The following KLF7 variants were observed in gnomAD, a reference collection of about 807,000 sequenced individuals.
KLF7 encodes the protein KLF transcription factor 7, also known as Krueppel-like factor 7.
In KLF7, 2 loss-of-function variants were observed where a neutral mutation model predicts 27.3. The ratio of observed to expected loss-of-function variants is 0.07; its 90% CI spans 0.03 to 0.23. KLF7 has a LOEUF of 0.23. Among genes scored for constraint, KLF7 ranks in the 10% least tolerant of loss-of-function variants. The probability of loss-of-function intolerance (pLI) is 1.00; values close to 1 mark genes in which losing one functional copy is unlikely to be tolerated. For missense variants in KLF7, 221 were observed against 394.1 expected, an observed-to-expected ratio of 0.56 and a Z score of 3.72; for synonymous variants, 165 against 162.4, an observed-to-expected ratio of 1.02 and a Z score of -0.12.
At chr2:207,146,314 T>A (rs556282665) in intron 1 of KLF7, among the ~76,000 whole-genome samples, 5 of 152,292 alleles carry the variant, frequency 3.3e-5, no homozygotes, top group African/African-American at 1.2e-4. Context: ...CAAGACACAC[T>A]AGAATTAAGC....
chr2:207,111,448 G>T (rs2105938884), intron 2 of KLF7, among the ~76,000 whole-genome samples: 1 of 152,302 alleles, frequency 6.6e-6, no homozygotes, highest in Admixed American at 6.5e-5. Context: ...CCACGCAAAG[G>T]GTACTTTTTC....
intron 1 of KLF7, among the ~76,000 whole-genome samples, chr2:207,151,411 C>T (rs1013133120): frequency 6.6e-6 from 1 of 151,872 alleles, no homozygotes; most frequent in African/African-American, 2.4e-5. Flanking sequence ...GGGGAGGGAT[C>T]GGAAAGAGAT....
chr2:207,130,190 G>A lies in KLF7; in HGVS notation c.103-5786C>T, dbSNP rs1039831548. Reference sequence around the variant, plus strand: ...CTTACTTTCCCATGCCCATATGCTCGAAACAATCTTCCTTTCGCCTTCCCT... The same window carrying A: ...CTTACTTTCCCATGCCCATATGCTCAAAACAATCTTCCTTTCGCCTTCCCT... On this transcript the variant is annotated intron_variant, in intron 1 of 3. Transcript: ENST00000309446. 3.3e-5 allele frequency among the ~76,000 whole-genome samples: 5 copies of A among 152,190 alleles called. 1 individual carries two copies. The highest frequency in any genetic ancestry group is 7.2e-5 in the African/African-American group (3 of 41,522).
At chr2:207,148,886 T>TG in intron 1 of KLF7, 1 of 422,652 alleles carries the variant, frequency 2.4e-6, no homozygotes, top group African/African-American at 2.2e-5. Context: ...ACATCTGCTT[T>TG]GGGGGCAGGG....
At chr2:207,091,480 C>A (rs140595932) in intron 2 of KLF7, among the ~76,000 whole-genome samples, 3 of 152,214 alleles carry the variant, frequency 2.0e-5, no homozygotes, top group Non-Finnish European at 4.4e-5. Context: ...CCTTTGTGCC[C>A]TGATATTTTA....
chr2:207,110,955 T>A (rs2077020373), intron 2 of KLF7, among the ~76,000 whole-genome samples: 1 of 152,192 alleles, frequency 6.6e-6, no homozygotes, highest in Non-Finnish European at 1.5e-5. Context: ...TGGGCCCACA[T>A]GATCCTTTGC....
intron 2 of KLF7, among the ~76,000 whole-genome samples, chr2:207,103,159 C>T (rs558025981): frequency 3.0e-4 from 46 of 152,294 alleles, no homozygotes; most frequent in African/African-American, 1.1e-3. Context: ...AACTCCTGAC[C>T]TCAGGTGATC....
At position 207,165,756 on chromosome 2, in the gene KLF7, G is replaced by A; in HGVS notation, c.-188C>T. On this transcript the variant is annotated 5_prime_UTR_variant, in exon 1 of 4. Coordinates refer to ENST00000309446, the MANE Select transcript of KLF7 (RefSeq NM_003709.4). The stretch of plus-strand genomic sequence containing the variant: ...TGCAGGAGAGGGAGAGAGGAGGTGA[G>A]AGAGGAGCGAGTGAGTGGGGTGGAT... 6.9e-7 allele frequency: 1 copy of A among 1,440,392 alleles called. No individual in the cohort carries two copies. Among genetic ancestry groups the A allele is most frequent in the Non-Finnish European group, 9.1e-7 (1 of 1,103,424 alleles). The allele number at this position is 1,440,392 out of a possible 1,614,324, so 89.2% of individuals were successfully genotyped here.
At chr2:207,138,562 G>A (rs2077851644) in intron 1 of KLF7, among the ~76,000 whole-genome samples, 1 of 152,144 alleles carries the variant, frequency 6.6e-6, no homozygotes, top group South Asian at 2.1e-4. Flanking sequence ...TTAGTCTAAG[G>A]CAGTATCCAC....
chr2:207,127,124 C>T (rs13406243), intron 1 of KLF7, among the ~76,000 whole-genome samples: 4,488 of 151,602 alleles, frequency 0.03, 76 homozygotes, highest in South Asian at 0.061. Flanking sequence ...ACTGCAGGAG[C>T]ACATGAGTCA....
At chr2:207,095,281 C>T (rs1365917604) in intron 2 of KLF7, among the ~76,000 whole-genome samples, 1 of 151,966 alleles carries the variant, frequency 6.6e-6, no homozygotes, top group African/African-American at 2.4e-5. Flanking sequence ...ATCTCCTGAC[C>T]TCGTGATCCG....
At chr2:207,106,725 G>T (rs978799093) in intron 2 of KLF7, among the ~76,000 whole-genome samples, 5 of 152,188 alleles carry the variant, frequency 3.3e-5, no homozygotes, top group African/African-American at 1.2e-4. Flanking sequence ...AGTGCCTCAA[G>T]ATTTTGCCAA....
intron 2 of KLF7, among the ~76,000 whole-genome samples, chr2:207,105,427 G>A (rs935322178): frequency 6.6e-6 from 1 of 152,182 alleles, no homozygotes; most frequent in Non-Finnish European, 1.5e-5. Context: ...TTAGGGAGGG[G>A]AACATGGAAG....
At chr2:207,125,245 A>C (rs532636822) in intron 1 of KLF7, among the ~76,000 whole-genome samples, 1 of 152,246 alleles carries the variant, frequency 6.6e-6, no homozygotes, top group Non-Finnish European at 1.5e-5. Flanking sequence ...AAAAAAGTTT[A>C]GTTTCAACAA....
At chr2:207,092,262 G>C (rs2076529413) in intron 2 of KLF7, among the ~76,000 whole-genome samples, 1 of 152,206 alleles carries the variant, frequency 6.6e-6, no homozygotes, top group African/African-American at 2.4e-5. Flanking sequence ...ATGGAAGAGA[G>C]ACTTAAAAAC....
At position 207,124,192 on chromosome 2, in the gene KLF7, T is replaced by G. The variant is rs200028318; in HGVS notation, c.315A>C (p.Leu105=). Residue 105 remains leucine, a synonymous_variant, in exon 2 of 4, where the codon CTA becomes CTC. Transcript: ENST00000309446. ...VDILLSRDKL[L]SETCLSLQPA... is the part of the protein sequence containing the mutation. ...GCTGGAGGCTGAGGCAGGTCTCAGA[T>G]AGCAACTTGTCCCGAGAGAGCAAGA... is the stretch of plus-strand genomic sequence containing the variant. 3.7e-5 allele frequency: 59 copies of G among 1,614,086 alleles called. 1 individual carries two copies. The East Asian group carries it at 1.2e-3, about 34-fold the overall frequency.
intron 3 of KLF7, among the ~76,000 whole-genome samples, chr2:207,086,433 T>C (rs1012025186): frequency 6.6e-6 from 1 of 152,186 alleles, no homozygotes; most frequent in Admixed American, 6.5e-5. Flanking sequence ...CTGTCGAAAA[T>C]GCACTATTGG....
upstream of KLF7, chr2:207,166,262 G>A (rs752374899): frequency 1.8e-5 from 16 of 884,286 alleles, no homozygotes; most frequent in Middle Eastern, 5.8e-4. Context: ...CCTGGGGCGG[G>A]GCTTGGCCCT....
chr2:207,115,101 T>C (rs190128140), intron 2 of KLF7, among the ~76,000 whole-genome samples: 2 of 152,224 alleles, frequency 1.3e-5, no homozygotes, highest in East Asian at 3.9e-4. Context: ...ATGTATTTTA[T>C]TTTGCAAACA....
Sources: gnomAD v4.1 joint callset for allele counts (sites outside exome capture counted in the v4.1 genomes callset) on GRCh38, gnomAD v4.1.1 for gene constraint, MANE v1.5 for transcripts, NCBI Gene and HGNC (gene_info 2026-07-23, HGNC 2026-07-21) for gene names.